Variants in NR1H4 observed in about 807,000 individuals in gnomAD.
The protein encoded by NR1H4 is nuclear receptor subfamily 1 group H member 4.
Under a neutral mutation model 58.5 loss-of-function variants are expected in NR1H4, and 23 were observed. That is an observed-to-expected ratio of 0.39 (90% confidence interval 0.28 to 0.56). The LOEUF is 0.56. Ranked by LOEUF, NR1H4 falls within the 20% of genes least tolerant of loss-of-function variation. The pLI is 0.58. For missense variants in NR1H4, 487 were observed against 576.9 expected (o/e 0.84, Z 1.60); for synonymous variants, 214 against 198.0 (o/e 1.08, Z -0.68).
intron 3 of NR1H4, among the ~76,000 whole-genome samples, chr12:100,499,529 G>A (rs1953786603): frequency 6.6e-6 from 1 of 152,170 alleles, no homozygotes; most frequent in Admixed American, 6.5e-5. Flanking sequence ...AATATTGAAT[G>A]AGCCTCTTCT....
At chr12:100,486,213 C>T (rs190650100) in intron 1 of NR1H4, among the ~76,000 whole-genome samples, 2 of 152,264 alleles carry the variant, frequency 1.3e-5, no homozygotes, top group Non-Finnish European at 2.9e-5. Flanking sequence ...CCTCATGTCT[C>T]ATCCCCAGTG....
At chr12:100,490,608 G>C (rs1953585137) in intron 1 of NR1H4, among the ~76,000 whole-genome samples, 2 of 151,820 alleles carry the variant, frequency 1.3e-5, no homozygotes, top group Admixed American at 1.3e-4. Context: ...TGGGGAGTGG[G>C]GTATTTAAGC....
At chr12:100,501,283 A>G (rs1953828389) in intron 3 of NR1H4, among the ~76,000 whole-genome samples, 1 of 152,090 alleles carries the variant, frequency 6.6e-6, no homozygotes, top group Non-Finnish European at 1.5e-5. Context: ...TGACCCTCTC[A>G]GGGAAAGGAT....
chr12:100,546,960 C>G (rs1056602197), intron 9 of NR1H4, among the ~76,000 whole-genome samples: 2 of 152,144 alleles, frequency 1.3e-5, no homozygotes, highest in African/African-American at 4.8e-5. Context: ...AGCCTGAGAA[C>G]TGAAACAGTA....
At chr12:100,547,919 A>G (rs1224051148) in intron 9 of NR1H4, among the ~76,000 whole-genome samples, 2 of 149,606 alleles carry the variant, frequency 1.3e-5, no homozygotes, top group Admixed American at 1.3e-4. Context: ...ACGGGGTTTT[A>G]CCATGTTAGC....
At chr12:100,515,242 C>T (rs1954234649) in intron 4 of NR1H4, among the ~76,000 whole-genome samples, 1 of 148,870 alleles carries the variant, frequency 6.7e-6, no homozygotes, top group Non-Finnish European at 1.5e-5. Flanking sequence ...ATGATCTCCA[C>T]TCACTGCAAC....
chr12:100,481,542 G>C (rs1203788896), intron 1 of NR1H4, among the ~76,000 whole-genome samples: 2 of 152,088 alleles, frequency 1.3e-5, no homozygotes, highest in Non-Finnish European at 2.9e-5. Flanking sequence ...GGGAGGCTGA[G>C]GTGGGCAGAT....
chr12:100,528,664 A>G (rs1344099876), intron 4 of NR1H4, among the ~76,000 whole-genome samples: 1 of 152,252 alleles, frequency 6.6e-6, no homozygotes, highest in Non-Finnish European at 1.5e-5. Flanking sequence ...TTGCATAAGT[A>G]TAAATACAGT....
At chr12:100,479,525 A>G (rs1057339675) in intron 1 of NR1H4, among the ~76,000 whole-genome samples, 1 of 152,114 alleles carries the variant, frequency 6.6e-6, no homozygotes, top group Non-Finnish European at 1.5e-5. Context: ...ACAGCATGCT[A>G]TTTTCCCTTC....
intron 9 of NR1H4, among the ~76,000 whole-genome samples, chr12:100,541,063 A>G (rs1954923687): frequency 6.6e-6 from 1 of 152,216 alleles, no homozygotes; most frequent in Admixed American, 6.5e-5. Flanking sequence ...GAGCCAAAGG[A>G]AGACTTTTTT....
At chr12:100,536,266 A>G (rs1213454647) in intron 6 of NR1H4, among the ~76,000 whole-genome samples, 1 of 152,204 alleles carries the variant, frequency 6.6e-6, no homozygotes, top group Non-Finnish European at 1.5e-5. Flanking sequence ...TTCCTAAGAA[A>G]TACACAAGTG....
At chr12:100,484,008 A>G (rs1490162026) in intron 1 of NR1H4, among the ~76,000 whole-genome samples, 1 of 151,642 alleles carries the variant, frequency 6.6e-6, no homozygotes, top group African/African-American at 2.4e-5. Context: ...AAAAAAAAGA[A>G]TGTATTTCCA....
At chr12:100,486,117 T>C (rs1953486383) in intron 1 of NR1H4, among the ~76,000 whole-genome samples, 2 of 152,110 alleles carry the variant, frequency 1.3e-5, no homozygotes, top group South Asian at 4.1e-4. Context: ...GTCTGGGTGG[T>C]AGTGTCAGGA....
chr12:100,534,573 A>G (rs1385229486), intron 5 of NR1H4, among the ~76,000 whole-genome samples: 1 of 152,192 alleles, frequency 6.6e-6, no homozygotes, highest in Admixed American at 6.5e-5. Context: ...CAAGTTCTTT[A>G]TATAAAGCTC....
intron 4 of NR1H4, among the ~76,000 whole-genome samples, chr12:100,529,123 A>G (rs1350933967): frequency 6.6e-6 from 1 of 152,354 alleles, no homozygotes; most frequent in South Asian, 2.1e-4. Flanking sequence ...TTTGACATTT[A>G]GAAAAATGTT....
At chr12:100,499,935 C>A in intron 3 of NR1H4, 1 of 455,954 alleles carries the variant, frequency 2.2e-6, no homozygotes, top group Non-Finnish European at 4.4e-6. Flanking sequence ...AGTTACTTGC[C>A]TTATTTAAAT....
intron 9 of NR1H4, among the ~76,000 whole-genome samples, chr12:100,560,961 G>A (rs1362556080): frequency 2.0e-5 from 3 of 152,124 alleles, no homozygotes; most frequent in Non-Finnish European, 1.5e-5. Context: ...CAGGAAAGAA[G>A]TGGATTTGGA....
In NR1H4 at chr12:100,536,435, C is replaced by G. The variant is rs17030285; in HGVS notation, c.733-77C>G. On this transcript the variant is annotated intron_variant, in intron 6 of 10. Transcript: ENST00000392986. ...TTTTATGATTTCTGCTATTAGGTCC[C>G]TCCAGATGAATGCACATATAGAAAG... 132,343 of 826,604 alleles carry G rather than the reference C, an allele frequency of 0.16. 13,702 individuals carry two copies. The highest frequency in any genetic ancestry group is 0.36 in the Admixed American group (20,037 of 55,876). 51.2% of individuals were successfully genotyped at this position (826,604 alleles called of 1,614,324 possible). A position where few individuals can be genotyped will look rare whatever the true frequency, so the allele number is the denominator to read the frequency against.
At position 100,513,806 on chromosome 12, in the gene NR1H4, AAGGAAGGAAGGAAGGAAGG is replaced by A. The variant is rs1363464463; in HGVS notation, c.445+2665_445+2683del. Among the ~76,000 whole-genome samples, 19 of 3,528 alleles carry A rather than the reference AAGGAAGGAAGGAAGGAAGG, an allele frequency of 5.4e-3. No homozygotes were observed. In the Admixed American group the frequency reaches 0.059, roughly 11 times the overall value. The allele number at this position is 3,528 out of a possible 152,430, so 2.3% of individuals were successfully genotyped here. A position where few individuals can be genotyped will look rare whatever the true frequency, so the allele number is the denominator to read the frequency against. The stretch of plus-strand genomic sequence containing the variant: ...CGAGACTCCGTCAAAGACAGAAAGG[AAGGAAGGAAGGAAGGAAGG>A]AAGGAAGGAAGGAAGGAAGGAAGGA... On this transcript the variant is annotated intron_variant, in intron 4 of 10. Transcript: ENST00000392986.
Sources: allele counts gnomAD v4.1 joint callset (sites outside exome capture counted in the v4.1 genomes callset), GRCh38; gene constraint gnomAD v4.1.1; transcripts MANE v1.5; gene names NCBI Gene and HGNC (gene_info 2026-07-23, HGNC 2026-07-21).